QTMAN: variants seen among roughly 807,000 people sequenced by gnomAD.
QTMAN encodes the protein queuosine-tRNA mannosyltransferase, also known as tRNA-queuosine alpha-mannosyltransferase.
At chr2:144,288,765 G>A in the QTMAN span, among the ~76,000 whole-genome samples, 4 of 152,174 alleles carry the variant, frequency 2.6e-5, no homozygotes, top group Admixed American at 2.6e-4. Flanking sequence ...CTATTTCAAT[G>A]TTCTATGAAG....
At chr2:144,144,754 C>T in the QTMAN span, among the ~76,000 whole-genome samples, 4 of 151,890 alleles carry the variant, frequency 2.6e-5, no homozygotes, top group Non-Finnish European at 5.9e-5. Context: ...GTCAACTAAA[C>T]TATGAAACAT....
the QTMAN span, among the ~76,000 whole-genome samples, chr2:144,159,551 G>A: frequency 1.4e-4 from 21 of 152,164 alleles, no homozygotes; most frequent in African/African-American, 2.9e-4. Context: ...ATTTTATGCC[G>A]TTACTTAGGT....
chr2:144,326,224 TTTC>T, the QTMAN span, among the ~76,000 whole-genome samples: 1 of 152,262 alleles, frequency 6.6e-6, no homozygotes, highest in Admixed American at 6.5e-5. Context: ...TTATATAACT[TTTC>T]TTCTTAATTA....
chr2:144,116,057 G>A, the QTMAN span, among the ~76,000 whole-genome samples: 2 of 152,108 alleles, frequency 1.3e-5, no homozygotes, highest in Non-Finnish European at 2.9e-5. Flanking sequence ...TGAGTAATAA[G>A]TTGTATGAGT....
At chr2:144,178,810 C>T in the QTMAN span, 20 of 354,422 alleles carry the variant, frequency 5.6e-5, no homozygotes, top group Non-Finnish European at 1.1e-4. Context: ...AAATAATCAA[C>T]TGATGCCGGA....
chr2:144,025,368 C>A, the QTMAN span, among the ~76,000 whole-genome samples: 2 of 152,044 alleles, frequency 1.3e-5, no homozygotes, highest in African/African-American at 4.8e-5. Context: ...TGGTGATGGC[C>A]CTGATTTGAG....
the QTMAN span, among the ~76,000 whole-genome samples, chr2:144,016,043 C>T: frequency 3.9e-5 from 6 of 152,164 alleles, no homozygotes; most frequent in African/African-American, 1.4e-4. Flanking sequence ...ATTTAAGCCA[C>T]GTTGAGTAAC....
At chr2:144,306,599 G>A in the QTMAN span, among the ~76,000 whole-genome samples, 4 of 151,964 alleles carry the variant, frequency 2.6e-5, no homozygotes, top group African/African-American at 9.7e-5. Context: ...GAATACCATT[G>A]TGAGTTAGCA....
chr2:144,029,815 A>T, the QTMAN span, among the ~76,000 whole-genome samples: 1 of 152,192 alleles, frequency 6.6e-6, no homozygotes, highest in African/African-American at 2.4e-5. Flanking sequence ...GCTTTCAAAT[A>T]GGTAGGCAGA....
At chr2:144,213,691 C>T in the QTMAN span, among the ~76,000 whole-genome samples, 1 of 152,142 alleles carries the variant, frequency 6.6e-6, no homozygotes, top group Non-Finnish European at 1.5e-5. Flanking sequence ...TGGCTTGATA[C>T]CTTAAAACTT....
the QTMAN span, among the ~76,000 whole-genome samples, chr2:144,033,435 T>A: frequency 6.6e-6 from 1 of 152,208 alleles, no homozygotes; most frequent in Admixed American, 6.5e-5. Context: ...ATGGAAGAGA[T>A]GCATAGGACA....
At chr2:144,209,445 C>G in the QTMAN span, among the ~76,000 whole-genome samples, 4 of 152,358 alleles carry the variant, frequency 2.6e-5, no homozygotes, top group Admixed American at 2.0e-4. Context: ...ACTTTGATCA[C>G]TTCCCCACAC....
chr2:144,139,627 T>C, the QTMAN span, among the ~76,000 whole-genome samples: 4 of 152,048 alleles, frequency 2.6e-5, no homozygotes, highest in Admixed American at 2.6e-4. Flanking sequence ...TTCAAGAGAA[T>C]ACACTCTCAT....
the QTMAN span, among the ~76,000 whole-genome samples, chr2:144,000,209 G>A: frequency 6.6e-6 from 1 of 151,986 alleles, no homozygotes; most frequent in Non-Finnish European, 1.5e-5. Flanking sequence ...TGCTATGTCA[G>A]AGGATAAAAT....
chr2:144,133,164 A>T, the QTMAN span, among the ~76,000 whole-genome samples: 2,945 of 50,736 alleles, frequency 0.058, 327 homozygotes, highest in African/African-American at 0.21. Context: ...ATAATATAAT[A>T]TATATATAAA....
At chr2:144,053,439 A>G in the QTMAN span, among the ~76,000 whole-genome samples, 169 of 152,348 alleles carry the variant, frequency 1.1e-3, 2 homozygotes, top group African/African-American at 3.9e-3. Flanking sequence ...AAACCTATAT[A>G]CACACACTTT....
chr2:144,281,364 T>C, the QTMAN span, among the ~76,000 whole-genome samples: 2 of 98,110 alleles, frequency 2.0e-5, no homozygotes, highest in African/African-American at 8.2e-5. Flanking sequence ...AAAATATTTA[T>C]ACAAGACTCT....
At chr2:143,964,114 A>C in the QTMAN span, 8 of 152,298 alleles carry the variant, frequency 5.3e-5, no homozygotes, top group South Asian at 1.7e-3. Flanking sequence ...AAAATGTTAC[A>C]ATATAAACAA....
At chr2:144,005,084 G>A in the QTMAN span, among the ~76,000 whole-genome samples, 1 of 151,946 alleles carries the variant, frequency 6.6e-6, no homozygotes, top group African/African-American at 2.4e-5. Flanking sequence ...GAGCTGACAT[G>A]GCTCGCTTAG....
Sources: allele counts gnomAD v4.1 joint callset (sites outside exome capture counted in the v4.1 genomes callset), GRCh38; gene constraint gnomAD v4.1.1; transcripts MANE v1.5; gene names NCBI Gene and HGNC (gene_info 2026-07-23, HGNC 2026-07-21).